COP1: variants seen among roughly 807,000 people sequenced by gnomAD.
The protein encoded by COP1 is E3 ubiquitin-protein ligase COP1.
Under a neutral mutation model 101.3 loss-of-function variants are expected in COP1, and 24 were observed. The ratio of observed to expected loss-of-function variants is 0.24; its 90% CI spans 0.17 to 0.33. The LOEUF (loss-of-function observed/expected upper bound fraction) is 0.33. COP1 is among the 10% of genes least tolerant of loss of function. The pLI, the probability that COP1 is intolerant of heterozygous loss-of-function variation, is 1.00. For synonymous variants in COP1, 347 were observed against 341.9 expected (o/e 1.01, Z -0.17); for missense variants, 663 against 906.2 (o/e 0.73, Z 3.45).
chr1:176,158,869 G>A (rs1404316767), intron 5 of COP1, among the ~76,000 whole-genome samples: 2 of 152,090 alleles, frequency 1.3e-5, no homozygotes, highest in Non-Finnish European at 2.9e-5. Context: ...TCGAACTCCT[G>A]AGCTCAGGCA....
intron 8 of COP1, among the ~76,000 whole-genome samples, chr1:176,133,131 C>A (rs1330848763): frequency 6.7e-6 from 1 of 148,270 alleles, no homozygotes; most frequent in Non-Finnish European, 1.5e-5. Flanking sequence ...TATATATACC[C>A]ATACACATAC....
At chr1:176,183,534 A>G (rs964915905) in intron 2 of COP1, among the ~76,000 whole-genome samples, 3 of 152,138 alleles carry the variant, frequency 2.0e-5, no homozygotes, top group African/African-American at 7.2e-5. Flanking sequence ...CCCTATAGAA[A>G]ACAGTATGGC....
At chr1:176,105,346 T>C (rs978280930) in intron 9 of COP1, among the ~76,000 whole-genome samples, 10 of 152,110 alleles carry the variant, frequency 6.6e-5, no homozygotes, top group Admixed American at 4.6e-4. Context: ...CAAAGAAATA[T>C]CACAACGAAA....
At chr1:176,042,166 G>C (rs1670675664) in intron 14 of COP1, among the ~76,000 whole-genome samples, 1 of 151,652 alleles carries the variant, frequency 6.6e-6, no homozygotes, top group Non-Finnish European at 1.5e-5. Context: ...AGCTAAATGG[G>C]AGGTGGAGGC....
chr1:176,014,177 G>A (rs527920139), intron 15 of COP1, among the ~76,000 whole-genome samples: 1 of 152,298 alleles, frequency 6.6e-6, no homozygotes, highest in East Asian at 1.9e-4. Flanking sequence ...GAAAGTAAGA[G>A]AATACATCTG....
At chr1:175,996,491 A>T (rs1423854756) in intron 15 of COP1, among the ~76,000 whole-genome samples, 2 of 152,066 alleles carry the variant, frequency 1.3e-5, no homozygotes, top group Non-Finnish European at 2.9e-5. Context: ...TTGTATATCT[A>T]GAAAACCCCA....
intron 15 of COP1, among the ~76,000 whole-genome samples, chr1:176,024,056 G>A (rs960617751): frequency 1.3e-5 from 2 of 152,062 alleles, no homozygotes; most frequent in Non-Finnish European, 1.5e-5. Flanking sequence ...TCAGGAGTTC[G>A]AGACCAGCCT....
At chr1:176,055,204 C>T (rs1014549153) in intron 11 of COP1, among the ~76,000 whole-genome samples, 2 of 152,218 alleles carry the variant, frequency 1.3e-5, no homozygotes, top group Non-Finnish European at 2.9e-5. Flanking sequence ...GAGGCCGAGA[C>T]AGGTGGATAA....
intron 3 of COP1, among the ~76,000 whole-genome samples, chr1:176,170,112 T>G (rs1695811388): frequency 6.6e-6 from 1 of 152,246 alleles, no homozygotes; most frequent in Non-Finnish European, 1.5e-5. Context: ...TTTCTAATTC[T>G]AGCTCTCTGG....
At chr1:176,182,984 C>T (rs1420049025) in intron 2 of COP1, among the ~76,000 whole-genome samples, 35 of 152,120 alleles carry the variant, frequency 2.3e-4, no homozygotes, top group Admixed American at 2.2e-3. Context: ...TAAAGGTGGA[C>T]ATTTGTATTT....
chr1:176,082,194 AC>A (rs943146951), intron 10 of COP1, among the ~76,000 whole-genome samples: 3 of 152,208 alleles, frequency 2.0e-5, no homozygotes, highest in Non-Finnish European at 4.4e-5. Context: ...AATGAAAAAA[AC>A]AATGAGCACT....
At chr1:176,040,514 C>G (rs1186043105) in intron 14 of COP1, among the ~76,000 whole-genome samples, 1 of 152,060 alleles carries the variant, frequency 6.6e-6, no homozygotes, top group African/African-American at 2.4e-5. Flanking sequence ...GACAGGGTCT[C>G]ATGCAGGCTG....
intron 11 of COP1, among the ~76,000 whole-genome samples, chr1:176,049,590 CT>C (rs1235650156): frequency 6.6e-6 from 1 of 151,782 alleles, no homozygotes; most frequent in African/African-American, 2.4e-5. Flanking sequence ...CTCAAACCAC[CT>C]TTTTTAGTGG....
At chr1:176,100,348 C>T (rs1290849436) in intron 9 of COP1, 2 of 147,966 alleles carry the variant, frequency 1.4e-5, no homozygotes, top group Non-Finnish European at 2.9e-5. Flanking sequence ...AAGATAGCGC[C>T]ATTGCACTCC....
chr1:175,947,144 C>G (rs1296533835), intron 19 of COP1, 51 bp downstream of exon 19: 7 of 1,201,872 alleles, frequency 5.8e-6, no homozygotes, highest in Non-Finnish European at 8.7e-6. Context: ...AATCCTGTTT[C>G]AGTCTAAAAA....
chr1:175,984,360 T>C (rs1038227871), intron 18 of COP1, among the ~76,000 whole-genome samples: 5 of 152,158 alleles, frequency 3.3e-5, no homozygotes, highest in East Asian at 1.9e-4. Flanking sequence ...GCAGCTTCCA[T>C]GTGGTGTTGA....
intron 10 of COP1, among the ~76,000 whole-genome samples, chr1:176,081,520 G>T (rs1679143042): frequency 6.6e-6 from 1 of 151,380 alleles, no homozygotes; most frequent in South Asian, 2.1e-4. Flanking sequence ...CACTTTTTTG[G>T]CAATAATTCC....
intron 1 of COP1, among the ~76,000 whole-genome samples, chr1:176,197,563 A>C (rs1279128382): frequency 6.6e-6 from 1 of 152,208 alleles, no homozygotes; most frequent in Non-Finnish European, 1.5e-5. Flanking sequence ...AGCCCAAGCA[A>C]ACCAATACAC....
chr1:176,045,339 C>A (rs1324460913), intron 12 of COP1, among the ~76,000 whole-genome samples: 1 of 151,662 alleles, frequency 6.6e-6, no homozygotes, highest in African/African-American at 2.4e-5. Flanking sequence ...GGGAAGCTCA[C>A]CAATTATCGA....
Sources: allele counts gnomAD v4.1 joint callset (sites outside exome capture counted in the v4.1 genomes callset), GRCh38; gene constraint gnomAD v4.1.1; transcripts MANE v1.5; gene names NCBI Gene and HGNC (gene_info 2026-07-23, HGNC 2026-07-21).